SLC14A2: variants seen among roughly 807,000 people sequenced by gnomAD.
The protein encoded by SLC14A2 is solute carrier family 14 member 2, also known as urea transporter 2.
SLC14A2 carries 91 observed loss-of-function variants against 104.6 expected under a neutral mutation model. That is an observed-to-expected ratio of 0.87 (90% CI 0.73 to 1.04). SLC14A2 has a LOEUF of 1.04. Among genes scored for constraint, SLC14A2 ranks in the 50% least tolerant of loss-of-function variants. The pLI is 0.00. For missense variants in SLC14A2, 1,189 were observed against 1,156.0 expected (o/e 1.03, Z -0.41); for synonymous variants, 476 against 466.4 (o/e 1.02, Z -0.27).
chr18:45,435,394 A>T (rs1374282733), intron 1 of SLC14A2: 2 of 152,224 alleles, frequency 1.3e-5, no homozygotes, highest in African/African-American at 2.4e-5. Context: ...TAGGTCAATT[A>T]CATTTATTAT....
chr18:45,473,438 A>G (rs1379011509), intron 1 of SLC14A2, among the ~76,000 whole-genome samples: 1 of 152,088 alleles, frequency 6.6e-6, no homozygotes, highest in Non-Finnish European at 1.5e-5. Context: ...CTTGATGGGG[A>G]TAGCATTAAA....
intron 1 of SLC14A2, chr18:45,435,133 T>C (rs962070164): frequency 6.6e-6 from 1 of 152,210 alleles, no homozygotes; most frequent in Non-Finnish European, 1.5e-5. Flanking sequence ...AACTTTAATA[T>C]ACAGTTCTCT....
At chr18:45,295,285 A>G (rs919862586) in intron 1 of SLC14A2, among the ~76,000 whole-genome samples, 1 of 151,154 alleles carries the variant, frequency 6.6e-6, no homozygotes, top group Non-Finnish European at 1.5e-5. Context: ...CATGTAATTA[A>G]TATACATTTT....
At chr18:45,363,873 C>T (rs2085640061) in intron 1 of SLC14A2, among the ~76,000 whole-genome samples, 1 of 152,230 alleles carries the variant, frequency 6.6e-6, no homozygotes, top group East Asian at 1.9e-4. Flanking sequence ...TCTCCTTTAA[C>T]AGATGAGAGG....
At chr18:45,327,892 G>C (rs1042011881) in intron 1 of SLC14A2, among the ~76,000 whole-genome samples, 1 of 152,070 alleles carries the variant, frequency 6.6e-6, no homozygotes, top group Admixed American at 6.5e-5. Context: ...CTCTGAATGA[G>C]GCTTCATAAA....
At chr18:45,640,495 G>A (rs937846192) in intron 7 of SLC14A2, among the ~76,000 whole-genome samples, 37 of 152,156 alleles carry the variant, frequency 2.4e-4, no homozygotes, top group African/African-American at 8.7e-4. Context: ...CTTAACAAAT[G>A]TGCTTTAATA....
intron 1 of SLC14A2, among the ~76,000 whole-genome samples, chr18:45,378,423 C>T (rs904031187): frequency 6.6e-6 from 1 of 152,216 alleles, no homozygotes; most frequent in Non-Finnish European, 1.5e-5. Context: ...CATCCCCTAT[C>T]TCTATTGAAA....
At chr18:45,507,119 A>G (rs1225225872) in intron 2 of SLC14A2, 4 of 152,218 alleles carry the variant, frequency 2.6e-5, no homozygotes, top group Admixed American at 6.5e-5. Flanking sequence ...GATTATAACT[A>G]CACAAGGTGA....
intron 1 of SLC14A2, among the ~76,000 whole-genome samples, chr18:45,436,236 G>T (rs2612543): frequency 0.85 from 129,496 of 152,232 alleles, 55,147 homozygotes; most frequent in South Asian, 0.93. Context: ...TTTTCAAATA[G>T]GTTAGAGGCA....
At chr18:45,391,507 T>C (rs1310355875) in intron 1 of SLC14A2, among the ~76,000 whole-genome samples, 2 of 152,222 alleles carry the variant, frequency 1.3e-5, no homozygotes, top group Non-Finnish European at 2.9e-5. Context: ...CCCCACTGAC[T>C]TCCACAATGG....
At chr18:45,471,351 T>C (rs918143748) in intron 1 of SLC14A2, among the ~76,000 whole-genome samples, 1 of 152,102 alleles carries the variant, frequency 6.6e-6, no homozygotes, top group Admixed American at 6.5e-5. Flanking sequence ...GGCAAGAGAG[T>C]CTTTCTTTAC....
At chr18:45,422,156 A>G (rs1306428676) in intron 1 of SLC14A2, among the ~76,000 whole-genome samples, 1 of 152,184 alleles carries the variant, frequency 6.6e-6, no homozygotes, top group Admixed American at 6.5e-5. Flanking sequence ...GCAGGGGAGT[A>G]GCATGACTAA....
At chr18:45,392,147 T>A (rs1200006865) in intron 1 of SLC14A2, among the ~76,000 whole-genome samples, 1 of 152,242 alleles carries the variant, frequency 6.6e-6, no homozygotes, top group Non-Finnish European at 1.5e-5. Flanking sequence ...ACCCCTGTGC[T>A]GCATTACCTC....
intron 1 of SLC14A2, among the ~76,000 whole-genome samples, chr18:45,397,473 GTGTC>G (rs1431493482): frequency 6.6e-6 from 1 of 152,146 alleles, no homozygotes; most frequent in Admixed American, 6.5e-5. Context: ...CCTTTGAAAA[GTGTC>G]TGTTCATGTC....
intron 1 of SLC14A2, among the ~76,000 whole-genome samples, chr18:45,393,843 ACT>A (rs2085999102): frequency 2.0e-5 from 3 of 152,028 alleles, no homozygotes; most frequent in African/African-American, 7.2e-5. Context: ...TACATATGGG[ACT>A]CTGATTCTCT....
chr18:45,314,629 A>C (rs940672132), intron 1 of SLC14A2, among the ~76,000 whole-genome samples: 4 of 152,246 alleles, frequency 2.6e-5, no homozygotes, highest in African/African-American at 9.6e-5. Flanking sequence ...AATAAGGGGT[A>C]TCTGTCCTGA....
chr18:45,549,794 T>C (rs1338253954), intron 2 of SLC14A2, among the ~76,000 whole-genome samples: 1 of 152,190 alleles, frequency 6.6e-6, no homozygotes, highest in African/African-American at 2.4e-5. Flanking sequence ...TTCTTACATG[T>C]ATGGTTATAC....
chr18:45,664,227 T>C (rs1052154806), intron 11 of SLC14A2, among the ~76,000 whole-genome samples: 8 of 152,182 alleles, frequency 5.3e-5, no homozygotes, highest in Non-Finnish European at 8.8e-5. Flanking sequence ...CAGGAGCTTC[T>C]AAAGCTCTCC....
chr18:45,610,252 C>G (rs2044950467), intron 2 of SLC14A2, among the ~76,000 whole-genome samples: 1 of 152,166 alleles, frequency 6.6e-6, no homozygotes, highest in African/African-American at 2.4e-5. Context: ...TTCTAACAAG[C>G]TCCCAGGTGA....
Sources: gnomAD v4.1 joint callset for allele counts (sites outside exome capture counted in the v4.1 genomes callset) on GRCh38, gnomAD v4.1.1 for gene constraint, MANE v1.5 for transcripts, NCBI Gene and HGNC (gene_info 2026-07-23, HGNC 2026-07-21) for gene names.